CTNND2: variants seen among roughly 807,000 people sequenced by gnomAD.
CTNND2 encodes the protein catenin delta 2.
In CTNND2, 22 loss-of-function variants were observed where a neutral mutation model predicts 144.4. That is an observed-to-expected ratio of 0.15 (90% CI 0.11 to 0.22). The LOEUF (loss-of-function observed/expected upper bound fraction) is 0.22, where lower values mean the gene tolerates loss of function less well. Among genes scored for constraint, CTNND2 ranks in the 10% least tolerant of loss-of-function variants. The pLI, the probability that CTNND2 is intolerant of heterozygous loss-of-function variation, is 1.00. For missense variants in CTNND2, 1,353 were observed against 1,618.8 expected (o/e 0.84, Z 2.82); for synonymous variants, 751 against 695.6 (o/e 1.08, Z -1.25).
intron 1 of CTNND2, among the ~76,000 whole-genome samples, chr5:11,746,667 C>A (rs886441286): frequency 6.6e-6 from 1 of 152,004 alleles, no homozygotes; most frequent in Non-Finnish European, 1.5e-5. Flanking sequence ...CATTTTACAT[C>A]CCCTAATTAG....
intron 3 of CTNND2, among the ~76,000 whole-genome samples, chr5:11,450,299 T>C (rs1263719655): frequency 2.0e-5 from 3 of 152,234 alleles, no homozygotes; most frequent in Admixed American, 2.0e-4. Context: ...TTATTCCATA[T>C]GTCACCATAA....
chr5:11,030,083 G>A (rs992503168), intron 16 of CTNND2, among the ~76,000 whole-genome samples: 4 of 151,806 alleles, frequency 2.6e-5, no homozygotes, highest in Admixed American at 2.6e-4. Flanking sequence ...TACTACCTCT[G>A]GTCTTCAAAA....
chr5:11,788,239 T>C (rs1348749926), intron 1 of CTNND2, among the ~76,000 whole-genome samples: 1 of 152,194 alleles, frequency 6.6e-6, no homozygotes, highest in African/African-American at 2.4e-5. Flanking sequence ...AATTTGGCTA[T>C]TAAGGTTATT....
At chr5:11,258,906 T>TAGGAATAGGAAGG (rs1744563562) in intron 9 of CTNND2, among the ~76,000 whole-genome samples, 1 of 152,218 alleles carries the variant, frequency 6.6e-6, no homozygotes, top group Non-Finnish European at 1.5e-5. Context: ...AGGAGATTCT[T>TAGGAATAGGAAGG]ATGTCTCCTT....
At chr5:11,343,462 CA>C (rs1754462461) in intron 9 of CTNND2, among the ~76,000 whole-genome samples, 1 of 152,162 alleles carries the variant, frequency 6.6e-6, no homozygotes. Flanking sequence ...ACTACTTAGA[CA>C]ATTTCCTTCA....
intron 2 of CTNND2, among the ~76,000 whole-genome samples, chr5:11,725,481 T>G (rs1027160156): frequency 1.3e-5 from 2 of 152,214 alleles, no homozygotes; most frequent in African/African-American, 4.8e-5. Flanking sequence ...TGGCAGAGAA[T>G]ACTATCTAAC....
At chr5:11,520,720 C>T (rs1772648909) in intron 3 of CTNND2, among the ~76,000 whole-genome samples, 2 of 152,200 alleles carry the variant, frequency 1.3e-5, no homozygotes, top group Admixed American at 6.5e-5. Context: ...AGTACCAGCC[C>T]ATCACCTGTC....
At position 11,698,874 on chromosome 5, in the gene CTNND2, T is replaced by C. The variant is rs138704078; in HGVS notation, c.174+33262A>G. ...TTAAATAATTTATAAACAAATTTGA[T>C]CATTTATTCTAAATTGTAAATATAT... On this transcript the variant is annotated intron_variant, in intron 2 of 21. Coordinates refer to ENST00000304623, the MANE Select transcript of CTNND2 (RefSeq NM_001332.4). Among the ~76,000 whole-genome samples the C allele has an allele frequency of 2.9e-3, 435 of 151,678 alleles. 2 individuals are homozygous for C. Among genetic ancestry groups the C allele is most frequent in the African/African-American group, 9.5e-3 (395 of 41,490 alleles).
intron 9 of CTNND2, among the ~76,000 whole-genome samples, chr5:11,345,080 C>G (rs1012975498): frequency 1.3e-5 from 2 of 152,036 alleles, no homozygotes; most frequent in Non-Finnish European, 2.9e-5. Context: ...TTCACTATTA[C>G]GCTATTTCTA....
chr5:11,297,388 G>A (rs1580829559), intron 9 of CTNND2, among the ~76,000 whole-genome samples: 2 of 152,216 alleles, frequency 1.3e-5, no homozygotes, highest in African/African-American at 4.8e-5. Flanking sequence ...CTAACAAAAC[G>A]TATTACCACA....
Position 11,860,175 on chromosome 5 carries a change from C to A in CTNND2, c.37+43642G>T, listed in dbSNP as rs369092526. Among the ~76,000 whole-genome samples, 43 of 152,316 alleles carry A rather than the reference C, an allele frequency of 2.8e-4. No individual in the cohort carries two copies. The South Asian group carries it at 4.1e-3, about 15-fold the overall frequency. On this transcript the variant is annotated intron_variant, in intron 1 of 21. Transcript: ENST00000304623. ...CAGATTGGCCATAAAATATTTTAAT[C>A]TCATGATGAATTCATCTATTGAGAG...
intron 9 of CTNND2, among the ~76,000 whole-genome samples, chr5:11,282,126 G>A (rs1747206359): frequency 6.6e-6 from 1 of 152,144 alleles, no homozygotes; most frequent in Admixed American, 6.5e-5. Context: ...TGGCAAGTCA[G>A]TGCTGGTTGG....
In CTNND2 at chr5:10,972,771, T is replaced by C. The variant is rs1169970268; in HGVS notation, c.*682A>G. 2 of 151,564 alleles carry C rather than the reference T, an allele frequency of 1.3e-5. No individual in the cohort carries two copies. Among genetic ancestry groups the C allele is most frequent in the Non-Finnish European group, 2.9e-5 (2 of 67,838 alleles). 9.4% of individuals were successfully genotyped at this position (151,564 alleles called of 1,614,324 possible). ...ACAATACTGCTAAATATTCCTTTTT[T>C]CCTGCTTTTTTTTTTTTTTGTTAAA... On this transcript the variant is annotated 3_prime_UTR_variant, in exon 22 of 22. Transcript: ENST00000304623.
intron 6 of CTNND2, chr5:11,385,614 T>A (rs1300027887): frequency 6.6e-6 from 1 of 152,256 alleles, no homozygotes; most frequent in Non-Finnish European, 1.5e-5. Flanking sequence ...TTTGTTTTAA[T>A]GAGAAATTCG....
chr5:11,462,248 T>C (rs747401276), intron 3 of CTNND2, among the ~76,000 whole-genome samples: 1 of 152,180 alleles, frequency 6.6e-6, no homozygotes, highest in Non-Finnish European at 1.5e-5. Flanking sequence ...GTTCCAATTT[T>C]ATGGTCTAGG....
chr5:11,738,248 C>A (rs977237721), intron 1 of CTNND2, among the ~76,000 whole-genome samples: 1 of 152,188 alleles, frequency 6.6e-6, no homozygotes, highest in African/African-American at 2.4e-5. Context: ...CAGAATAAAA[C>A]AGTATCTTAA....
chr5:11,679,726 C>T (rs1214480292), intron 2 of CTNND2, among the ~76,000 whole-genome samples: 1 of 152,204 alleles, frequency 6.6e-6, no homozygotes, highest in Non-Finnish European at 1.5e-5. Context: ...CAACCAACAG[C>T]ATAATGGTTT....
chr5:11,019,202 AG>A (rs1741966564), intron 17 of CTNND2, among the ~76,000 whole-genome samples: 5 of 151,928 alleles, frequency 3.3e-5, no homozygotes, highest in Admixed American at 3.3e-4. Flanking sequence ...AATATCTCTA[AG>A]GTATGCCTGT....
chr5:11,650,379 C>T (rs552524770), intron 2 of CTNND2, among the ~76,000 whole-genome samples: 8 of 152,272 alleles, frequency 5.3e-5, no homozygotes, highest in South Asian at 4.1e-4. Context: ...TTATACATTA[C>T]ACAATCTCAG....
Sources: allele counts gnomAD v4.1 joint callset (sites outside exome capture counted in the v4.1 genomes callset), GRCh38; gene constraint gnomAD v4.1.1; transcripts MANE v1.5; gene names NCBI Gene and HGNC (gene_info 2026-07-23, HGNC 2026-07-21).